The following NGLY1 variants were observed in gnomAD, a reference collection of about 807,000 sequenced individuals.
The protein encoded by NGLY1 is peptide-N(4)-(N-acetyl-beta-glucosaminyl)asparagine amidase.
In NGLY1, 68 loss-of-function variants were observed where a neutral mutation model predicts 84.6. That is an observed-to-expected ratio of 0.80 (90% CI 0.66 to 0.98). NGLY1 has a LOEUF of 0.98. Among genes scored for constraint, NGLY1 ranks in the 50% least tolerant of loss-of-function variants. The pLI is 0.00. For synonymous variants in NGLY1, 280 were observed against 275.2 expected, an observed-to-expected ratio of 1.02 and a Z score of -0.17; for missense variants, 779 against 770.2, an observed-to-expected ratio of 1.01 and a Z score of -0.14.
intron 3 of NGLY1, among the ~76,000 whole-genome samples, chr3:25,760,855 T>A: frequency 2.1e-5 from 1 of 48,676 alleles, no homozygotes; most frequent in Non-Finnish European, 3.9e-5. Context: ...AGTGAAACTC[T>A]GTCTCAAAAA....
At chr3:25,734,848 C>T (rs1025188357) in intron 7 of NGLY1, 2 of 932,834 alleles carry the variant, frequency 2.1e-6, no homozygotes, top group African/African-American at 3.5e-5. Flanking sequence ...CAAAACATTA[C>T]CTTTTTAAAA....
intron 9 of NGLY1, 81 bp downstream of exon 9, chr3:25,732,238 C>T: frequency 8.0e-7 from 1 of 1,254,028 alleles, no homozygotes. Flanking sequence ...ATAGTCAATG[C>T]AGTTGGAGGA....
At chr3:25,736,620 G>T in intron 6 of NGLY1, 1 of 388,884 alleles carries the variant, frequency 2.6e-6, no homozygotes, top group South Asian at 6.1e-5. Context: ...TAATTCTTTA[G>T]AAAATGGAAA....
In NGLY1 at chr3:25,755,417, G is replaced by C; in HGVS notation, c.493-4154C>G. The C allele has an allele frequency of 1.1e-5, 16 of 1,447,998 alleles. No homozygotes were observed. The South Asian group carries it at 1.4e-4, about 12-fold the overall frequency. The allele number at this position is 1,447,998 out of a possible 1,614,324, so 89.7% of individuals were successfully genotyped here. On this transcript the variant is annotated intron_variant, in intron 3 of 11. Coordinates refer to ENST00000280700, the MANE Select transcript of NGLY1 (RefSeq NM_018297.4). ...TCCTACTATAGTGACCCCACAAACAGTGTCTGTCCCAAATAAAGTTTCAAC... is the reference window on the plus strand; with the variant it reads ...TCCTACTATAGTGACCCCACAAACACTGTCTGTCCCAAATAAAGTTTCAAC...
At chr3:25,725,807 T>C (rs1705225341) in intron 10 of NGLY1, among the ~76,000 whole-genome samples, 1 of 152,196 alleles carries the variant, frequency 6.6e-6, no homozygotes, top group Admixed American at 6.5e-5. Flanking sequence ...GTATGAGGTT[T>C]TTTTCACTCA....
chr3:25,789,113 C>G (rs1055348498), intron 1 of NGLY1, among the ~76,000 whole-genome samples: 2 of 152,288 alleles, frequency 1.3e-5, no homozygotes, highest in East Asian at 3.9e-4. Context: ...AACAGATGTT[C>G]GATGAATACC....
At chr3:25,783,460 G>T (rs1018456947), upstream of NGLY1, 7 of 1,374,056 alleles carry the variant, frequency 5.1e-6, no homozygotes, top group Middle Eastern at 5.5e-4. This position sits in a 1 kb window ranked among gnomAD's most constrained non-coding sequence, Gnocchi z 4.5. Context: ...GCGCCTCAGC[G>T]CGCAGCAGCT....
rs184665286 is a variant in NGLY1, at chr3:25,719,289, T to C, written c.*171A>G. Reference sequence around the variant, plus strand: ...TGGAAGAAAGGTTTTAATTCAATATTTTATTATAGTCCACGTATAAAGATA... The same window carrying C: ...TGGAAGAAAGGTTTTAATTCAATATCTTATTATAGTCCACGTATAAAGATA... On this transcript the variant is annotated 3_prime_UTR_variant, in exon 12 of 12. Coordinates refer to ENST00000280700, the MANE Select transcript of NGLY1 (RefSeq NM_018297.4). The C allele has an allele frequency of 1.4e-4, 65 of 479,052 alleles. No homozygotes were observed. Among genetic ancestry groups the C allele is most frequent in the African/African-American group, 1.2e-3 (63 of 51,682 alleles). 29.7% of individuals were successfully genotyped at this position (479,052 alleles called of 1,614,324 possible). A position where few individuals can be genotyped will look rare whatever the true frequency, so the allele number is the denominator to read the frequency against.
At chr3:25,762,384 C>G (rs770901720) in intron 3 of NGLY1, among the ~76,000 whole-genome samples, 1 of 152,058 alleles carries the variant, frequency 6.6e-6, no homozygotes, top group Non-Finnish European at 1.5e-5. Context: ...CAGTGATCCA[C>G]GAATAACCAA....
chr3:25,780,293 C>T (rs1165030819), intron 1 of NGLY1, among the ~76,000 whole-genome samples: 2 of 152,172 alleles, frequency 1.3e-5, no homozygotes, highest in Admixed American at 1.3e-4. Context: ...GGCTTCCATG[C>T]TACACTGTCT....
At chr3:25,735,857 T>G in intron 7 of NGLY1, 147 bp downstream of exon 7, 1 of 696,118 alleles carries the variant, frequency 1.4e-6, no homozygotes, top group Non-Finnish European at 2.3e-6. Context: ...GCAGTGATGA[T>G]TTCAGTGTAT....
chr3:25,739,112 T>G (rs560696642), intron 5 of NGLY1, among the ~76,000 whole-genome samples: 32 of 152,288 alleles, frequency 2.1e-4, no homozygotes, highest in African/African-American at 7.0e-4. Flanking sequence ...GATGATAATA[T>G]GGAAGGTAAA....
chr3:25,741,270 ACT>A (rs1229997727), intron 4 of NGLY1, among the ~76,000 whole-genome samples: 1 of 152,108 alleles, frequency 6.6e-6, no homozygotes. Flanking sequence ...ATATTATAAA[ACT>A]CTAATATTTA....
chr3:25,733,837 C>A, intron 8 of NGLY1, 35 bp downstream of exon 8: 1 of 1,465,902 alleles, frequency 6.8e-7, no homozygotes, highest in Non-Finnish European at 9.4e-7. Flanking sequence ...TAAAAAATGT[C>A]AACTGTTCTT....
At chr3:25,780,267 G>C (rs1008484586) in intron 1 of NGLY1, among the ~76,000 whole-genome samples, 3 of 152,194 alleles carry the variant, frequency 2.0e-5, no homozygotes, top group African/African-American at 7.2e-5. Context: ...GTGCACTGCA[G>C]AACATTCGCA....
At chr3:25,789,941 C>CT in exon 1 of NGLY1, 1 of 1,531,810 alleles carries the variant, frequency 6.5e-7, no homozygotes, top group South Asian at 1.2e-5. Flanking sequence ...ACGCAAACAG[C>CT]TACCCAGCCG....
chr3:25,766,764 A>G (rs893050950), intron 2 of NGLY1, among the ~76,000 whole-genome samples: 1 of 152,186 alleles, frequency 6.6e-6, no homozygotes, highest in Non-Finnish European at 1.5e-5. Context: ...AAGGAAAAAG[A>G]GCATGACAGG....
Position 25,751,111 on chromosome 3 carries a change from T to G in NGLY1, c.645A>C (p.Arg215Ser). ...TAAAGCTACTACCTTTATCCAATTT[T>G]CTAGCTCTCGATAACTTTTCTTGTG... ...RKSQEKLSRARKLDKGINISD... is the reference protein window; with the variant it reads ...RKSQEKLSRASKLDKGINISD... Residue 215 changes from arginine to serine, a missense_variant, in exon 4 of 12, where the codon AGA becomes AGC. Transcript: ENST00000280700. 1 of 1,611,500 alleles carries G rather than the reference T, an allele frequency of 6.2e-7. No individual in the cohort carries two copies. Among genetic ancestry groups the G allele is most frequent in the East Asian group, 2.2e-5 (1 of 44,832 alleles).
At chr3:25,760,928 C>T (rs7431653) in intron 3 of NGLY1, among the ~76,000 whole-genome samples, 99,277 of 132,494 alleles carry the variant, frequency 0.75, 38,761 homozygotes, top group East Asian at 0.95. Flanking sequence ...AAAGCTCGCA[C>T]ACAGATCTAG....
Sources: gnomAD v4.1 joint callset for allele counts (sites outside exome capture counted in the v4.1 genomes callset) on GRCh38, gnomAD v4.1.1 for gene constraint, Gnocchi (gnomAD v3.1) non-coding constraint, MANE v1.5 for transcripts, NCBI Gene and HGNC (gene_info 2026-07-23, HGNC 2026-07-21) for gene names.